The following ELMO1 variants were observed in gnomAD, a reference collection of about 807,000 sequenced individuals.
The protein encoded by ELMO1 is engulfment and cell motility 1, also known as engulfment and cell motility protein 1.
ELMO1 carries 26 observed loss-of-function variants against 98.9 expected under a neutral mutation model. The ratio of observed to expected loss-of-function variants is 0.26; its 90% CI spans 0.19 to 0.36. ELMO1 has a LOEUF of 0.36. ELMO1 is among the 10% of genes least tolerant of loss of function. The probability of loss-of-function intolerance (pLI) is 1.00; values close to 1 mark genes in which losing one functional copy is unlikely to be tolerated. For synonymous variants in ELMO1, 346 were observed against 346.0 expected, an observed-to-expected ratio of 1.00 and a Z score of 0.00; for missense variants, 627 against 935.2, an observed-to-expected ratio of 0.67 and a Z score of 4.30.
intron 6 of ELMO1, among the ~76,000 whole-genome samples, chr7:37,253,537 T>C (rs1266046176): frequency 6.6e-6 from 1 of 151,944 alleles, no homozygotes; most frequent in Non-Finnish European, 1.5e-5. Context: ...TGAGAACACA[T>C]AGACACAGGG....
At chr7:37,111,337 G>T (rs1165822202) in intron 14 of ELMO1, among the ~76,000 whole-genome samples, 1 of 152,204 alleles carries the variant, frequency 6.6e-6, no homozygotes, top group African/African-American at 2.4e-5. Flanking sequence ...TAATGCATGA[G>T]AAGGCAAAAG....
chr7:37,399,050 A>C (rs1803413738), intron 1 of ELMO1, among the ~76,000 whole-genome samples: 1 of 152,094 alleles, frequency 6.6e-6, no homozygotes, highest in South Asian at 2.1e-4. Flanking sequence ...TCTTGGGTGA[A>C]CGGCGATCCT....
Position 36,907,529 on chromosome 7 carries a change from G to A in ELMO1, c.1438-12512C>T, listed in dbSNP as rs192707957. On this transcript the variant is annotated intron_variant, in intron 16 of 21. Coordinates refer to ENST00000310758, the MANE Select transcript of ELMO1 (RefSeq NM_014800.11). ...GCAAAACCTGGACAGTTCCTCAGTC[G>A]TGTGAAGTCAGTGACCCCAAGCAAG... is the stretch of plus-strand genomic sequence containing the variant. Among the ~76,000 whole-genome samples, 12 of 152,294 alleles carry A rather than the reference G, an allele frequency of 7.9e-5. No homozygotes were observed. The South Asian group carries it at 1.5e-3, about 18-fold the overall frequency.
intron 1 of ELMO1, among the ~76,000 whole-genome samples, chr7:37,354,926 C>A (rs369267672): frequency 7.9e-5 from 12 of 152,356 alleles, no homozygotes; most frequent in African/African-American, 2.9e-4. Flanking sequence ...ACTACCACCC[C>A]TAGAACATTT....
intron 13 of ELMO1, among the ~76,000 whole-genome samples, chr7:37,163,343 T>TTTTG (rs1554430068): frequency 3.5e-4 from 52 of 149,940 alleles, no homozygotes; most frequent in African/African-American, 1.1e-3. Flanking sequence ...TGTTCTTTTT[T>TTTTG]TTTTTTTTTA....
intron 16 of ELMO1, among the ~76,000 whole-genome samples, chr7:36,924,350 A>G (rs113136710): frequency 6.6e-6 from 1 of 152,156 alleles, no homozygotes; most frequent in Non-Finnish European, 1.5e-5. Context: ...ACCAGCCTAC[A>G]TGATATGTAG....
chr7:36,878,984 C>T (rs928468280), intron 18 of ELMO1, among the ~76,000 whole-genome samples: 7 of 152,210 alleles, frequency 4.6e-5, no homozygotes, highest in African/African-American at 9.7e-5. Flanking sequence ...AGGGCCTCTC[C>T]CCATCCTCTG....
Position 37,036,762 on chromosome 7 carries a change from C to T in ELMO1, c.1301-23327G>A, listed in dbSNP as rs544589861. ...CAATGGGGGCCACACATGTAGGTGCCGGAATTTCATCTTCTTTTTAAAATG... is the reference window on the plus strand; with the variant it reads ...CAATGGGGGCCACACATGTAGGTGCTGGAATTTCATCTTCTTTTTAAAATG... On this transcript the variant is annotated intron_variant, in intron 15 of 21. Transcript: ENST00000310758. 2.0e-4 allele frequency among the ~76,000 whole-genome samples: 31 copies of T among 152,180 alleles called. 1 individual carries two copies. The South Asian group carries it at 2.9e-3, about 14-fold the overall frequency.
chr7:37,082,775 T>C (rs1464537935), intron 15 of ELMO1, among the ~76,000 whole-genome samples: 15 of 152,160 alleles, frequency 9.9e-5, no homozygotes, highest in Admixed American at 9.8e-4. Context: ...CTTAATTCTC[T>C]GTCCAAAAGC....
intron 6 of ELMO1, among the ~76,000 whole-genome samples, chr7:37,253,719 G>GT (rs1554283071): frequency 1.0e-5 from 1 of 99,376 alleles, no homozygotes; most frequent in Non-Finnish European, 2.0e-5. Flanking sequence ...AGAACTTAAA[G>GT]TAAAAAAAAA....
chr7:36,935,220 T>G (rs117418743), intron 16 of ELMO1, among the ~76,000 whole-genome samples: 7,312 of 152,264 alleles, frequency 0.048, 260 homozygotes, highest in South Asian at 0.12. Context: ...AAACCCCTTT[T>G]GCTTGGCTCT....
intron 13 of ELMO1, among the ~76,000 whole-genome samples, chr7:37,202,261 A>T (rs1007043468): frequency 2.0e-5 from 3 of 152,252 alleles, no homozygotes; most frequent in Non-Finnish European, 2.9e-5. Flanking sequence ...GGGAAAAGTG[A>T]TTCGATTGAC....
At chr7:37,377,869 A>G (rs1250597681) in intron 1 of ELMO1, among the ~76,000 whole-genome samples, 4 of 152,166 alleles carry the variant, frequency 2.6e-5, no homozygotes, top group African/African-American at 9.7e-5. Context: ...TCCCCACTGA[A>G]GCTCTGCACT....
intron 15 of ELMO1, among the ~76,000 whole-genome samples, chr7:37,083,846 A>G (rs1272768406): frequency 6.6e-6 from 1 of 152,162 alleles, no homozygotes; most frequent in East Asian, 1.9e-4. Context: ...GCACCTGCTG[A>G]GGAGGAGGCA....
intron 1 of ELMO1, among the ~76,000 whole-genome samples, chr7:37,395,360 T>G (rs1583681293): frequency 1.3e-5 from 1 of 78,720 alleles, no homozygotes; most frequent in South Asian, 4.6e-4. Flanking sequence ...AGAGTGAAAC[T>G]CCATCTCAAA....
chr7:37,176,637 A>C (rs962701839), intron 13 of ELMO1, among the ~76,000 whole-genome samples: 2 of 152,230 alleles, frequency 1.3e-5, no homozygotes, highest in South Asian at 4.1e-4. Context: ...ATAATGCTTC[A>C]AGTAAAACAT....
rs190075053 is a variant in ELMO1 at position 37,339,121 on chromosome 7, A to G, written c.78+3492T>C. ...ACCAGGCAAGGAGAAACAACACTCA[A>G]AGACAGGCAGTTCCCAGTCTAATGA... On this transcript the variant is annotated intron_variant, in intron 2 of 21. Coordinates refer to ENST00000310758, the MANE Select transcript of ELMO1 (RefSeq NM_014800.11). Among the ~76,000 whole-genome samples, 93 of 152,320 alleles carry G rather than the reference A, an allele frequency of 6.1e-4. 1 individual carries two copies. In the Middle Eastern group the frequency reaches 0.02, roughly 33 times the overall value.
intron 1 of ELMO1, among the ~76,000 whole-genome samples, chr7:37,397,638 C>A (rs532657424): frequency 6.6e-6 from 1 of 152,310 alleles, no homozygotes; most frequent in Non-Finnish European, 1.5e-5. Flanking sequence ...GACCCAGCAA[C>A]CCCATTACTG....
At chr7:37,207,637 T>A (rs907730007) in intron 13 of ELMO1, among the ~76,000 whole-genome samples, 2 of 151,846 alleles carry the variant, frequency 1.3e-5, no homozygotes, top group Non-Finnish European at 2.9e-5. Flanking sequence ...AACCACAGAA[T>A]CAATAACAAG....
Sources: allele counts gnomAD v4.1 joint callset (sites outside exome capture counted in the v4.1 genomes callset), GRCh38; gene constraint gnomAD v4.1.1; transcripts MANE v1.5; gene names NCBI Gene and HGNC (gene_info 2026-07-23, HGNC 2026-07-21).